Variants in OLFM2 observed in about 807,000 individuals in gnomAD.
OLFM2 encodes noelin-2.
OLFM2 carries 20 observed loss-of-function variants against 43.9 expected under a neutral mutation model. The ratio of observed to expected loss-of-function variants is 0.46; its 90% CI spans 0.32 to 0.66. The LOEUF is 0.66. Ranked by LOEUF, OLFM2 falls within the 30% of genes least tolerant of loss-of-function variation. The probability of loss-of-function intolerance (pLI) is 0.04; values close to 1 mark genes in which losing one functional copy is unlikely to be tolerated. For synonymous variants in OLFM2, 268 were observed against 278.6 expected, an observed-to-expected ratio of 0.96 and a Z score of 0.38; for missense variants, 416 against 643.6, an observed-to-expected ratio of 0.65 and a Z score of 3.83.
At chr19:9,883,939 G>T (rs754329272) in intron 1 of OLFM2, among the ~76,000 whole-genome samples, 12 of 152,152 alleles carry the variant, frequency 7.9e-5, no homozygotes, top group Non-Finnish European at 1.5e-4. Context: ...AGTCACGGAG[G>T]TTGAACGAAT....
intron 1 of OLFM2, among the ~76,000 whole-genome samples, chr19:9,919,236 G>A (rs757159371): frequency 6.6e-5 from 10 of 151,200 alleles, no homozygotes; most frequent in South Asian, 2.1e-4. Context: ...GGATGATCTC[G>A]GCTCACTGCA....
At chr19:9,870,345 G>A (rs527585349) in intron 1 of OLFM2, among the ~76,000 whole-genome samples, 1 of 152,332 alleles carries the variant, frequency 6.6e-6, no homozygotes, top group Admixed American at 6.5e-5. Flanking sequence ...AGTTGGGGTT[G>A]AGGCTGTGGG....
intron 2 of OLFM2, chr19:9,858,151 A>G (rs2145431465): frequency 2.0e-6 from 1 of 500,238 alleles, no homozygotes; most frequent in Non-Finnish European, 3.7e-6. Context: ...TTCTCTACAC[A>G]GCAGACAGAA....
intron 1 of OLFM2, among the ~76,000 whole-genome samples, chr19:9,934,046 C>T (rs1446940019): frequency 6.6e-6 from 1 of 152,112 alleles, no homozygotes; most frequent in Non-Finnish European, 1.5e-5. Context: ...ATAATCATAT[C>T]TGTTCATTGA....
intron 1 of OLFM2, among the ~76,000 whole-genome samples, chr19:9,910,166 C>T (rs981986632): frequency 6.6e-6 from 1 of 152,090 alleles, no homozygotes; most frequent in African/African-American, 2.4e-5. Flanking sequence ...GGCATCACTA[C>T]ACTCCAGCCT....
At chr19:9,885,008 G>A (rs1175198633) in intron 1 of OLFM2, among the ~76,000 whole-genome samples, 1 of 152,198 alleles carries the variant, frequency 6.6e-6, no homozygotes. Context: ...TGGATACAGG[G>A]GCTCTGGGTT....
chr19:9,862,029 A>G (rs1231918049), intron 1 of OLFM2, among the ~76,000 whole-genome samples: 6 of 1,338 alleles, frequency 4.5e-3, no homozygotes, highest in Non-Finnish European at 0.024. Context: ...CAAAGAAAAA[A>G]AAAAAAAAAA....
At chr19:9,904,152 T>G (rs868789963) in intron 1 of OLFM2, among the ~76,000 whole-genome samples, 25 of 127,268 alleles carry the variant, frequency 2.0e-4, no homozygotes, top group East Asian at 9.9e-4. Flanking sequence ...TGAGTATTGT[T>G]TGTGTGTGTG....
At chr19:9,907,436 T>C (rs977251162) in intron 1 of OLFM2, among the ~76,000 whole-genome samples, 1 of 151,914 alleles carries the variant, frequency 6.6e-6, no homozygotes, top group Non-Finnish European at 1.5e-5. Flanking sequence ...CACTCCAGCC[T>C]GGGTGAGAGC....
chr19:9,927,327 T>C (rs1193095599), intron 1 of OLFM2, among the ~76,000 whole-genome samples: 1 of 152,062 alleles, frequency 6.6e-6, no homozygotes, highest in African/African-American at 2.4e-5. Context: ...TCTAAAATCC[T>C]TAACCCAGCT....
At chr19:9,922,800 A>G (rs2086428967) in intron 1 of OLFM2, among the ~76,000 whole-genome samples, 1 of 151,098 alleles carries the variant, frequency 6.6e-6, no homozygotes, top group Non-Finnish European at 1.5e-5. Context: ...GGTTCTAGCT[A>G]CTTGAGAGGC....
intron 1 of OLFM2, among the ~76,000 whole-genome samples, chr19:9,871,399 C>T (rs898908541): frequency 1.3e-5 from 2 of 151,880 alleles, no homozygotes; most frequent in African/African-American, 2.4e-5. Flanking sequence ...GGTGAAACTC[C>T]GTCTCTACTA....
At chr19:9,882,826 T>C (rs1269406941) in intron 1 of OLFM2, among the ~76,000 whole-genome samples, 18 of 151,022 alleles carry the variant, frequency 1.2e-4, no homozygotes, top group Admixed American at 1.2e-3. Flanking sequence ...GGGAGGATTG[T>C]TTGAGCTCAG....
At chr19:9,872,455 CA>C (rs1281730790) in intron 1 of OLFM2, among the ~76,000 whole-genome samples, 1 of 151,646 alleles carries the variant, frequency 6.6e-6, no homozygotes, top group African/African-American at 2.4e-5. Context: ...GCAGAGGTTG[CA>C]GTGAGCCGAG....
In OLFM2 at chr19:9,854,960, T is replaced by C; in HGVS notation, c.688-97A>G. On this transcript the variant is annotated intron_variant, in intron 5 of 5. Transcript: ENST00000264833. This position sits in a 1 kb window ranked among gnomAD's most constrained non-coding sequence, Gnocchi z 9.5. ...CCATTAGAGTTCAACAGTCACTAAG[T>C]GGTCATTAGTCATGGGAACTCTGTT... 1 of 918,652 alleles carries C rather than the reference T, an allele frequency of 1.1e-6. No individual in the cohort carries two copies. 56.9% of individuals were successfully genotyped at this position (918,652 alleles called of 1,614,324 possible).
At chr19:9,858,980 A>G (rs1006592252) in intron 2 of OLFM2, among the ~76,000 whole-genome samples, 4 of 152,130 alleles carry the variant, frequency 2.6e-5, no homozygotes, top group Admixed American at 6.6e-5. Flanking sequence ...TGGCTAAGGT[A>G]GACCTTTACC....
rs1379184736 is a variant in OLFM2 at position 9,857,853 on chromosome 19, G to A, written c.222C>T (p.Asn74=). 5.6e-6 allele frequency: 9 copies of A among 1,614,030 alleles called. No homozygotes were observed. Among genetic ancestry groups the A allele is most frequent in the South Asian group, 2.2e-5 (2 of 91,078 alleles). The change falls in exon 3 of 6, where the codon AAC becomes AAT. Residue 74 remains asparagine, a synonymous_variant. Transcript: ENST00000264833. This position sits in a 1 kb window ranked among gnomAD's most constrained non-coding sequence, Gnocchi z 5.7. ...CAAGGACCTCCATGGACTGGGAGAC[G>A]TTCTGGACCTAGGAATGGGGACAAC... ...ELRQLMEKVQ[N]VSQSMEVLEL... is the part of the protein sequence containing the mutation.
Position 9,854,435 on chromosome 19 carries a change from C to T in OLFM2, c.1116G>A (p.Glu372=). The T allele has an allele frequency of 1.2e-6, 2 of 1,614,200 alleles. No individual in the cohort carries two copies. Among genetic ancestry groups the T allele is most frequent in the Non-Finnish European group, 1.7e-6 (2 of 1,180,048 alleles). Residue 372 remains glutamate (E), a synonymous_variant, in exon 6 of 6, where the codon GAG becomes GAA. Transcript: ENST00000264833. The surrounding 1 kb of genome is among the most constrained non-coding windows in gnomAD (Gnocchi z 9.5). ...DTGYPKRSAG[E]AFMICGVLYV... ...AGAGCACACCGCAGATCATGAAGGC[C>T]TCGCCAGCGCTGCGCTTGGGGTAGC...
At chr19:9,862,040 AAAAAG>A (rs1184871328) in intron 1 of OLFM2, among the ~76,000 whole-genome samples, 4 of 99,254 alleles carry the variant, frequency 4.0e-5, no homozygotes, top group South Asian at 3.1e-4. Context: ...AAAAAAAAAA[AAAAAG>A]AAGATATCCA....
Sources: allele counts gnomAD v4.1 joint callset (sites outside exome capture counted in the v4.1 genomes callset), GRCh38; gene constraint gnomAD v4.1.1; non-coding constraint Gnocchi (gnomAD v3.1); transcripts MANE v1.5; gene names NCBI Gene and HGNC (gene_info 2026-07-23, HGNC 2026-07-21).